Variants in CDH18 observed in about 807,000 individuals in gnomAD.
CDH18 encodes cadherin-18.
A neutral mutation model predicts 67.9 loss-of-function variants in CDH18; 31 were observed. The observed-to-expected ratio is 0.46, with a 90% confidence interval of 0.34 to 0.62. The LOEUF is 0.62. Among genes scored for constraint, CDH18 ranks in the 20% least tolerant of loss-of-function variants. The pLI is 0.01. For missense variants in CDH18, 890 were observed against 975.5 expected (o/e 0.91, Z 1.17); for synonymous variants, 362 against 347.2 (o/e 1.04, Z -0.48).
intron 2 of CDH18, among the ~76,000 whole-genome samples, chr5:19,934,381 G>A (rs934111831): frequency 6.6e-6 from 1 of 151,120 alleles, no homozygotes; most frequent in African/African-American, 2.4e-5. Context: ...CCCTCTTTTA[G>A]GGATAATGAC....
intron 2 of CDH18, among the ~76,000 whole-genome samples, chr5:19,963,105 T>A (rs2150310978): frequency 6.6e-6 from 1 of 152,236 alleles, no homozygotes; most frequent in South Asian, 2.1e-4. Context: ...CAAGCCTCAA[T>A]AAGCATAGCC....
chr5:19,633,153 C>T lies in CDH18; in HGVS notation c.644-20552G>A, dbSNP rs189562701. ...TCTTTCTTCTCTAGTGGATTTACTA[C>T]GTAGTGTCTTCAACTTTTACACTTC... On this transcript the variant is annotated intron_variant, in intron 5 of 12. Transcript: ENST00000382275. Among the ~76,000 whole-genome samples, 104 of 152,260 alleles carry T rather than the reference C, an allele frequency of 6.8e-4. 1 individual carries two copies. The South Asian group carries it at 9.1e-3, about 13-fold the overall frequency.
At chr5:19,513,570 C>T (rs1745454490) in intron 10 of CDH18, among the ~76,000 whole-genome samples, 1 of 151,960 alleles carries the variant, frequency 6.6e-6, no homozygotes, top group Non-Finnish European at 1.5e-5. Flanking sequence ...TCATTAAATT[C>T]ATCTCATAAA....
chr5:19,482,478 C>A (rs1424449388), intron 12 of CDH18, among the ~76,000 whole-genome samples: 1 of 151,842 alleles, frequency 6.6e-6, no homozygotes, highest in Non-Finnish European at 1.5e-5. Context: ...CCTCTAAGAC[C>A]AAAAAATATT....
chr5:20,232,484 T>C (rs1407464584), intron 2 of CDH18, among the ~76,000 whole-genome samples: 1 of 152,144 alleles, frequency 6.6e-6, no homozygotes, highest in African/African-American at 2.4e-5. Flanking sequence ...TTATTTTTAG[T>C]TTAGAATGTG....
At chr5:20,279,622 C>T (rs1382778094) in intron 1 of CDH18, among the ~76,000 whole-genome samples, 4 of 131,546 alleles carry the variant, frequency 3.0e-5, no homozygotes, top group African/African-American at 1.2e-4. Context: ...CCGCTTGAAC[C>T]TGGGAGGTGG....
chr5:19,611,349 A>G (rs1748930261), intron 6 of CDH18, among the ~76,000 whole-genome samples: 2 of 152,222 alleles, frequency 1.3e-5, no homozygotes, highest in Non-Finnish European at 2.9e-5. Flanking sequence ...AAAAAGAGTG[A>G]GTAATTCTGC....
chr5:19,985,594 C>T (rs1232453351), intron 1 of CDH18, among the ~76,000 whole-genome samples: 1 of 151,700 alleles, frequency 6.6e-6, no homozygotes, highest in East Asian at 1.9e-4. Context: ...CAGAAAAGTC[C>T]CCCAGGAGAA....
At chr5:20,337,178 G>A (rs1222619507) in intron 1 of CDH18, among the ~76,000 whole-genome samples, 2 of 152,096 alleles carry the variant, frequency 1.3e-5, no homozygotes, top group Non-Finnish European at 2.9e-5. Flanking sequence ...TGGCACAGAG[G>A]TCTCTGCCAT....
chr5:20,195,237 T>G (rs1738880838), intron 2 of CDH18, among the ~76,000 whole-genome samples: 1 of 152,042 alleles, frequency 6.6e-6, no homozygotes, highest in Non-Finnish European at 1.5e-5. Flanking sequence ...ATGTTATCCA[T>G]TACTTACTGT....
chr5:19,748,834 A>T (rs1426924843), intron 3 of CDH18, among the ~76,000 whole-genome samples: 1 of 152,150 alleles, frequency 6.6e-6, no homozygotes, highest in East Asian at 1.9e-4. Flanking sequence ...ATAGTATGGG[A>T]ATAATTTCAC....
rs182739140 is a variant in CDH18, at chr5:19,736,217, C to T, written c.523+10725G>A. Reference sequence around the variant, plus strand: ...TTCAGTGTGGGCAACATTGTAAAACCCTGTCTCTAATAAAAATACAACAAT... The same window carrying T: ...TTCAGTGTGGGCAACATTGTAAAACTCTGTCTCTAATAAAAATACAACAAT... On this transcript the variant is annotated intron_variant, in intron 4 of 12. Transcript: ENST00000382275. Among the ~76,000 whole-genome samples, 1,172 of 152,080 alleles carry T rather than the reference C, an allele frequency of 7.7e-3. 9 individuals carry two copies. The highest frequency in any genetic ancestry group is 0.037 in the Middle Eastern group (11 of 294).
chr5:20,432,292 T>C (rs1169069722), intron 1 of CDH18, among the ~76,000 whole-genome samples: 1 of 152,168 alleles, frequency 6.6e-6, no homozygotes, highest in East Asian at 1.9e-4. Context: ...TTCAATCTCA[T>C]TCAGAGCCTA....
At chr5:19,594,234 C>G (rs1430883237) in intron 6 of CDH18, among the ~76,000 whole-genome samples, 4 of 152,094 alleles carry the variant, frequency 2.6e-5, no homozygotes, top group Admixed American at 6.6e-5. Flanking sequence ...TCACTGCAAG[C>G]TCTGCCTCCT....
chr5:20,118,943 G>T (rs1441183161), intron 2 of CDH18, among the ~76,000 whole-genome samples: 2 of 152,020 alleles, frequency 1.3e-5, no homozygotes, highest in Admixed American at 6.6e-5. Flanking sequence ...TTTATTAGGT[G>T]AACAAATCAA....
At chr5:20,363,282 C>G (rs1742237504) in intron 1 of CDH18, among the ~76,000 whole-genome samples, 1 of 151,854 alleles carries the variant, frequency 6.6e-6, no homozygotes, top group South Asian at 2.1e-4. Context: ...GTCAGGAGCT[C>G]AAGACCAGCC....
intron 2 of CDH18, among the ~76,000 whole-genome samples, chr5:19,845,839 TA>T (rs1403530707): frequency 1.4e-5 from 2 of 141,664 alleles, no homozygotes; most frequent in Non-Finnish European, 3.1e-5. Context: ...CTCTTTCGCT[TA>T]ACATTTGCAT....
At chr5:20,410,858 A>G (rs1039918540) in intron 1 of CDH18, among the ~76,000 whole-genome samples, 1 of 151,944 alleles carries the variant, frequency 6.6e-6, no homozygotes, top group African/African-American at 2.4e-5. Context: ...TCACAATAGT[A>G]TTAAAGGAAT....
chr5:19,573,440 G>C (rs1354420326), intron 7 of CDH18, among the ~76,000 whole-genome samples: 1 of 152,006 alleles, frequency 6.6e-6, no homozygotes, highest in Non-Finnish European at 1.5e-5. Flanking sequence ...CGCCACGCCC[G>C]GCTAATTTTT....
Sources: gnomAD v4.1 joint callset for allele counts (sites outside exome capture counted in the v4.1 genomes callset) on GRCh38, gnomAD v4.1.1 for gene constraint, MANE v1.5 for transcripts, NCBI Gene and HGNC (gene_info 2026-07-23, HGNC 2026-07-21) for gene names.